Variants in C6 observed in about 807,000 individuals in gnomAD.
C6 encodes the protein complement component C6.
Under a neutral mutation model 112.9 loss-of-function variants are expected in C6, and 101 were observed. The ratio of observed to expected loss-of-function variants is 0.89; its 90% CI spans 0.76 to 1.06. C6 has a LOEUF of 1.06. Among genes scored for constraint, C6 ranks in the 50% least tolerant of loss-of-function variants. The pLI is 0.00. For missense variants in C6, 1,202 were observed against 1,104.6 expected, an observed-to-expected ratio of 1.09 and a Z score of -1.25; for synonymous variants, 431 against 384.1, an observed-to-expected ratio of 1.12 and a Z score of -1.43.
intron 1 of C6, among the ~76,000 whole-genome samples, chr5:41,220,459 C>T (rs1739094754): frequency 6.6e-6 from 1 of 152,120 alleles, no homozygotes; most frequent in Non-Finnish European, 1.5e-5. Context: ...TCAAACCATC[C>T]TGTTTTGCTT....
intron 9 of C6, among the ~76,000 whole-genome samples, chr5:41,171,215 T>C (rs1431422939): frequency 2.6e-5 from 4 of 152,096 alleles, no homozygotes; most frequent in African/African-American, 9.7e-5. Flanking sequence ...GAATTGTGCA[T>C]GGTTACTTAT....
chr5:41,204,581 G>C (rs908829878), intron 1 of C6, among the ~76,000 whole-genome samples: 1 of 151,692 alleles, frequency 6.6e-6, no homozygotes, highest in Non-Finnish European at 1.5e-5. Flanking sequence ...TTTAAGTCAA[G>C]AGCTTGAGAT....
At chr5:41,176,447 A>G in intron 8 of C6, 28 bp downstream of exon 8, 4 of 1,609,932 alleles carry the variant, frequency 2.5e-6, no homozygotes, top group Non-Finnish European at 3.4e-6. Flanking sequence ...CATACCAGTT[A>G]AAAAGAGTGA....
intron 15 of C6, chr5:41,153,032 C>T (rs1042882830): frequency 6.6e-6 from 1 of 152,290 alleles, no homozygotes; most frequent in Non-Finnish European, 1.5e-5. Flanking sequence ...AGGGAGGTGT[C>T]CAGGTCTGGG....
chr5:41,171,613 G>A (rs1199020272), intron 9 of C6, among the ~76,000 whole-genome samples: 2 of 152,138 alleles, frequency 1.3e-5, no homozygotes, highest in Non-Finnish European at 2.9e-5. Flanking sequence ...TTGGGGATTG[G>A]GATAGAAGAG....
chr5:41,160,059 T>C (rs990279060), intron 11 of C6, 83 bp downstream of exon 11: 13 of 1,137,688 alleles, frequency 1.1e-5, no homozygotes, highest in Admixed American at 3.5e-5. Context: ...TAATAGAAGT[T>C]TTGTTTCTTT....
At position 41,176,693 on chromosome 5, in the gene C6, T is replaced by C; in HGVS notation, c.950A>G (p.His317Arg). 1 of 1,612,104 alleles carries C rather than the reference T, an allele frequency of 6.2e-7. No individual in the cohort carries two copies. The highest frequency in any genetic ancestry group is 8.5e-7 in the Non-Finnish European group (1 of 1,178,664). Residue 317 changes from histidine (H) to arginine (R), a missense_variant, in exon 8 of 18, where the codon CAT becomes CGT. Transcript: ENST00000337836. Reference protein sequence around the residue: ...HKKDSSFIRIHKVMKVLNFTT... With the variant: ...HKKDSSFIRIRKVMKVLNFTT... ...GAAGTTTAAGACTTTCATCACTTTA[T>C]GGATCCTAATAAAACTAGAATCCTA...
chr5:41,181,593 T>G (rs746710782), intron 6 of C6, 34 bp from the exon 7 acceptor site: 11 of 1,546,744 alleles, frequency 7.1e-6, no homozygotes, highest in Non-Finnish European at 5.3e-6. Context: ...AAAATATAAT[T>G]TAGGAAATAC....
chr5:41,260,615 C>T (rs778111472), intron 1 of C6, among the ~76,000 whole-genome samples: 2 of 149,954 alleles, frequency 1.3e-5, no homozygotes. Context: ...ACTAAAAATA[C>T]AAAAAAAAAT....
At chr5:41,254,786 T>C (rs1455271059) in intron 1 of C6, among the ~76,000 whole-genome samples, 1 of 152,184 alleles carries the variant, frequency 6.6e-6, no homozygotes, top group African/African-American at 2.4e-5. Context: ...ACAGTTGCAA[T>C]CCAGAAAGCA....
intron 1 of C6, among the ~76,000 whole-genome samples, chr5:41,207,610 A>G (rs1373451326): frequency 6.6e-6 from 1 of 152,246 alleles, no homozygotes; most frequent in East Asian, 1.9e-4. Flanking sequence ...TTAAACCAAC[A>G]AAGATCAAAA....
intron 5 of C6, among the ~76,000 whole-genome samples, chr5:41,193,506 C>A (rs922756648): frequency 2.0e-5 from 3 of 152,060 alleles, no homozygotes; most frequent in African/African-American, 7.3e-5. Flanking sequence ...ATATATAAAT[C>A]AAAAATATAT....
intron 7 of C6, among the ~76,000 whole-genome samples, chr5:41,177,111 G>A (rs1580119252): frequency 6.6e-6 from 1 of 152,144 alleles, no homozygotes; most frequent in East Asian, 1.9e-4. Context: ...TGGAAGTTAT[G>A]CAACTGAGAT....
At chr5:41,158,122 T>C (rs907764978) in intron 13 of C6, among the ~76,000 whole-genome samples, 1 of 152,156 alleles carries the variant, frequency 6.6e-6, no homozygotes, top group African/African-American at 2.4e-5. Flanking sequence ...GTAAAATTTA[T>C]GTCAAAGGGC....
intron 5 of C6, among the ~76,000 whole-genome samples, chr5:41,191,672 T>A (rs371302223): frequency 6.6e-6 from 1 of 152,272 alleles, no homozygotes; most frequent in Non-Finnish European, 1.5e-5. Context: ...GTAGCTCTTA[T>A]AGTTAGCTCT....
chr5:41,239,593 C>A (rs2150423724), intron 1 of C6, among the ~76,000 whole-genome samples: 1 of 152,146 alleles, frequency 6.6e-6, no homozygotes, highest in Non-Finnish European at 1.5e-5. Flanking sequence ...TACCCATTTT[C>A]CCCATCCCCC....
At chr5:41,148,797 A>G (rs914128354) in intron 17 of C6, among the ~76,000 whole-genome samples, 15 of 152,134 alleles carry the variant, frequency 9.9e-5, no homozygotes, top group African/African-American at 3.1e-4. Context: ...AAGGCACTGA[A>G]AGAAGACTGA....
chr5:41,188,952 G>A (rs1035465399), intron 5 of C6, among the ~76,000 whole-genome samples: 6 of 151,824 alleles, frequency 4.0e-5, no homozygotes, highest in African/African-American at 1.2e-4. Flanking sequence ...ATTAAACCAT[G>A]AGCAAATAAT....
chr5:41,207,786 T>C (rs1264155798), intron 1 of C6, among the ~76,000 whole-genome samples: 2 of 152,152 alleles, frequency 1.3e-5, no homozygotes, highest in Non-Finnish European at 2.9e-5. Context: ...ATGGGAGATT[T>C]TAAAACCCCA....
Sources: gnomAD v4.1 joint callset for allele counts (sites outside exome capture counted in the v4.1 genomes callset) on GRCh38, gnomAD v4.1.1 for gene constraint, MANE v1.5 for transcripts, NCBI Gene and HGNC (gene_info 2026-07-23, HGNC 2026-07-21) for gene names.